Variants in KIAA1328 observed in about 807,000 individuals in gnomAD.
KIAA1328 encodes protein hinderin.
A neutral mutation model predicts 68.1 loss-of-function variants in KIAA1328; 52 were observed. That is an observed-to-expected ratio of 0.76 (90% CI 0.61 to 0.96). KIAA1328 has a LOEUF of 0.96. Among genes scored for constraint, KIAA1328 ranks in the 40% least tolerant of loss-of-function variants. KIAA1328 has a pLI of 0.00. For missense variants in KIAA1328, 641 were observed against 677.6 expected, an observed-to-expected ratio of 0.95 and a Z score of 0.60; for synonymous variants, 232 against 239.4, an observed-to-expected ratio of 0.97 and a Z score of 0.28.
chr18:36,911,143 G>A (rs2049431169), intron 5 of KIAA1328, among the ~76,000 whole-genome samples: 1 of 152,052 alleles, frequency 6.6e-6, no homozygotes, highest in African/African-American at 2.4e-5. Flanking sequence ...AGGCTGCCCA[G>A]ATCTACCAAA....
intron 4 of KIAA1328, among the ~76,000 whole-genome samples, chr18:36,864,649 A>G (rs940395585): frequency 2.0e-5 from 3 of 147,742 alleles, no homozygotes; most frequent in Non-Finnish European, 4.4e-5. Flanking sequence ...TACTAGCCTC[A>G]AAATGAGTTA....
intron 7 of KIAA1328, among the ~76,000 whole-genome samples, chr18:37,134,475 AC>A (rs1387252053): frequency 1.3e-5 from 2 of 152,188 alleles, no homozygotes; most frequent in Non-Finnish European, 2.9e-5. Flanking sequence ...AATATTTCCT[AC>A]AAAAAAAACT....
intron 8 of KIAA1328, among the ~76,000 whole-genome samples, chr18:37,166,548 C>T (rs1248276108): frequency 1.3e-5 from 2 of 152,166 alleles, no homozygotes; most frequent in African/African-American, 2.4e-5. Context: ...CTGCCCTCCC[C>T]TCTTCCCAGC....
chr18:36,849,248 A>C (rs1001077939), intron 4 of KIAA1328, among the ~76,000 whole-genome samples: 12 of 152,094 alleles, frequency 7.9e-5, no homozygotes, highest in Middle Eastern at 3.4e-3. Context: ...TTACCACATC[A>C]TTTAAGTGAA....
intron 6 of KIAA1328, among the ~76,000 whole-genome samples, chr18:37,038,499 T>C (rs1470833311): frequency 3.3e-5 from 5 of 152,150 alleles, no homozygotes; most frequent in Admixed American, 3.3e-4. Context: ...AGTGGATGTT[T>C]GTGTAAGATT....
intron 6 of KIAA1328, among the ~76,000 whole-genome samples, chr18:36,975,769 A>C (rs537267875): frequency 1.3e-5 from 2 of 152,096 alleles, no homozygotes; most frequent in Non-Finnish European, 2.9e-5. Flanking sequence ...TTAATTGTTA[A>C]AGCTTTTTGT....
chr18:37,229,218 G>A (rs1400524540), downstream of KIAA1328, among the ~76,000 whole-genome samples: 1 of 152,154 alleles, frequency 6.6e-6, no homozygotes, highest in Non-Finnish European at 1.5e-5. Flanking sequence ...GCCGGTGGGT[G>A]CCAGGCAAGC....
At chr18:37,160,908 A>G (rs1306009196) in intron 8 of KIAA1328, among the ~76,000 whole-genome samples, 1 of 152,192 alleles carries the variant, frequency 6.6e-6, no homozygotes, top group Non-Finnish European at 1.5e-5. Flanking sequence ...AAAGAAATCA[A>G]TTATAAGTAA....
chr18:36,834,299 C>G (rs372334770), intron 1 of KIAA1328, 21 bp from the exon 2 acceptor site: 5 of 1,556,758 alleles, frequency 3.2e-6, no homozygotes, highest in Non-Finnish European at 4.3e-6. Flanking sequence ...ATTGTATTTT[C>G]CTTCATGTTC....
intron 5 of KIAA1328, among the ~76,000 whole-genome samples, chr18:36,903,014 A>G (rs2049092505): frequency 6.6e-6 from 1 of 152,142 alleles, no homozygotes; most frequent in African/African-American, 2.4e-5. Flanking sequence ...ATTTAAGGAC[A>G]TGGGAGCTTA....
chr18:37,154,259 C>A (rs939091197), intron 7 of KIAA1328, among the ~76,000 whole-genome samples: 2 of 152,120 alleles, frequency 1.3e-5, no homozygotes, highest in Admixed American at 1.3e-4. Flanking sequence ...CTCAGTCCAT[C>A]GCTCTTATTA....
chr18:37,044,863 A>G (rs563621963), intron 6 of KIAA1328, among the ~76,000 whole-genome samples: 4 of 152,264 alleles, frequency 2.6e-5, no homozygotes, highest in Admixed American at 6.5e-5. Flanking sequence ...AAATAGCAGC[A>G]AAGTTTCACA....
intron 5 of KIAA1328, among the ~76,000 whole-genome samples, chr18:36,947,446 A>G (rs563760029): frequency 1.1e-4 from 16 of 152,198 alleles, no homozygotes; most frequent in Non-Finnish European, 1.8e-4. Context: ...CAGTCTGGAA[A>G]GGTGGGACAA....
At chr18:37,203,880 G>A (rs533350674) in intron 9 of KIAA1328, among the ~76,000 whole-genome samples, 1 of 151,596 alleles carries the variant, frequency 6.6e-6, no homozygotes, top group East Asian at 1.9e-4. Flanking sequence ...CGCCATCTCA[G>A]CTCACTGCAA....
chr18:37,005,693 G>T (rs533550834), intron 6 of KIAA1328, among the ~76,000 whole-genome samples: 1 of 152,004 alleles, frequency 6.6e-6, no homozygotes, highest in Non-Finnish European at 1.5e-5. Flanking sequence ...AAAGATATTC[G>T]AATCAACTTA....
chr18:36,940,919 C>A (rs549274647), intron 5 of KIAA1328, among the ~76,000 whole-genome samples: 9 of 152,046 alleles, frequency 5.9e-5, no homozygotes, highest in Non-Finnish European at 1.0e-4. Context: ...TGTGATCCAC[C>A]CGCCTCGGCC....
chr18:36,852,748 C>T (rs117898107), intron 4 of KIAA1328, among the ~76,000 whole-genome samples: 2,119 of 152,212 alleles, frequency 0.014, 30 homozygotes, highest in Non-Finnish European at 0.021. Flanking sequence ...CTAGTAATGA[C>T]GGTCTCAAGC....
intron 6 of KIAA1328, among the ~76,000 whole-genome samples, chr18:37,039,221 TTATAA>T (rs2055147052): frequency 6.6e-6 from 1 of 152,170 alleles, no homozygotes; most frequent in African/African-American, 2.4e-5. Flanking sequence ...TACTTGTCTC[TTATAA>T]TATGTTTAAC....
intron 5 of KIAA1328, among the ~76,000 whole-genome samples, chr18:36,954,127 C>T (rs1018586329): frequency 1.3e-5 from 2 of 151,572 alleles, no homozygotes; most frequent in East Asian, 1.9e-4. Context: ...CTCAGTCTCC[C>T]GAGTAGCTGG....
Sources: gnomAD v4.1 joint callset for allele counts (sites outside exome capture counted in the v4.1 genomes callset) on GRCh38, gnomAD v4.1.1 for gene constraint, MANE v1.5 for transcripts, NCBI Gene and HGNC (gene_info 2026-07-23, HGNC 2026-07-21) for gene names.